NRXN3: variants seen among roughly 807,000 people sequenced by gnomAD.
NRXN3 encodes neurexin 3, also known as neurexin III.
Under a neutral mutation model 137.6 loss-of-function variants are expected in NRXN3, and 32 were observed. The observed-to-expected ratio is 0.23, with a 90% CI of 0.18 to 0.31. The LOEUF (loss-of-function observed/expected upper bound fraction) is 0.31. NRXN3 is among the 10% of genes least tolerant of loss of function. The pLI is 1.00. For synonymous variants in NRXN3, 798 were observed against 784.5 expected (o/e 1.02, Z -0.29); for missense variants, 1,574 against 2,062.5 (o/e 0.76, Z 4.59).
intron 15 of NRXN3, among the ~76,000 whole-genome samples, chr14:79,026,694 A>G (rs1369202761): frequency 6.6e-6 from 1 of 151,976 alleles, no homozygotes; most frequent in Non-Finnish European, 1.5e-5. Flanking sequence ...GTGTTGACCC[A>G]TGGATACTAA....
intron 15 of NRXN3, among the ~76,000 whole-genome samples, chr14:79,190,593 A>G (rs117969843): frequency 1.3e-5 from 2 of 152,284 alleles, no homozygotes; most frequent in Non-Finnish European, 2.9e-5. Context: ...CCAAACGCCA[A>G]TAATGTTTGG....
chr14:78,483,907 C>G lies in NRXN3; in HGVS notation c.758-161213C>G, dbSNP rs17107745. ...GCTTATGTTAGCTAGACTGCTGGTT[C>G]GATTTTTCAGTGGAAGCCTCCTTTT... On this transcript the variant is annotated intron_variant, in intron 4 of 20. Transcript: ENST00000335750. 9.8e-3 allele frequency among the ~76,000 whole-genome samples: 1,477 copies of G among 150,098 alleles called. 14 individuals carry two copies. Among genetic ancestry groups the G allele is most frequent in the African/African-American group, 0.034 (1,394 of 41,040 alleles).
chr14:79,687,120 A>G (rs1280309272), intron 17 of NRXN3, among the ~76,000 whole-genome samples: 2 of 152,184 alleles, frequency 1.3e-5, no homozygotes, highest in Non-Finnish European at 2.9e-5. Flanking sequence ...TCTGCCCCAA[A>G]GGTGTGTAGT....
At chr14:78,217,050 AG>A (rs1472344383) in intron 1 of NRXN3, among the ~76,000 whole-genome samples, 2 of 152,218 alleles carry the variant, frequency 1.3e-5, no homozygotes, top group Non-Finnish European at 2.9e-5. Context: ...TCACATTCAC[AG>A]GTACCAGGTG....
At chr14:78,403,911 G>T in intron 4 of NRXN3, 1 of 981,184 alleles carries the variant, frequency 1.0e-6, no homozygotes, top group Non-Finnish European at 1.2e-6. Context: ...AAAAAGAAAA[G>T]ATATGTGAGC....
At chr14:79,094,230 C>T (rs2049809184) in intron 15 of NRXN3, among the ~76,000 whole-genome samples, 1 of 152,146 alleles carries the variant, frequency 6.6e-6, no homozygotes, top group African/African-American at 2.4e-5. Context: ...TGGGGTAGAG[C>T]TAACCCCTGA....
chr14:79,343,142 T>C (rs921304712), intron 15 of NRXN3, among the ~76,000 whole-genome samples: 3 of 152,072 alleles, frequency 2.0e-5, no homozygotes, highest in Admixed American at 6.5e-5. Flanking sequence ...CAAGTACTGA[T>C]CTTAGGAGCA....
intron 15 of NRXN3, among the ~76,000 whole-genome samples, chr14:79,211,046 A>G (rs1484174359): frequency 6.6e-6 from 1 of 152,134 alleles, no homozygotes; most frequent in Admixed American, 6.6e-5. Flanking sequence ...CCTTCAAAAT[A>G]ATATTTTCAT....
At chr14:78,759,062 C>T (rs958883042) in intron 8 of NRXN3, among the ~76,000 whole-genome samples, 1 of 152,196 alleles carries the variant, frequency 6.6e-6, no homozygotes, top group Non-Finnish European at 1.5e-5. Context: ...AAGATGTTCT[C>T]ATCCTGACTT....
chr14:79,639,275 T>C (rs1159620333), intron 16 of NRXN3, among the ~76,000 whole-genome samples: 2 of 152,206 alleles, frequency 1.3e-5, no homozygotes, highest in African/African-American at 4.8e-5. Context: ...GGTAAACTCA[T>C]GTCACCGGGC....
At chr14:79,499,978 T>TGC (rs1191888941) in intron 16 of NRXN3, among the ~76,000 whole-genome samples, 2 of 151,532 alleles carry the variant, frequency 1.3e-5, no homozygotes, top group Non-Finnish European at 2.9e-5. Context: ...TGTGTGTGTG[T>TGC]GTGTGTGTGT....
intron 20 of NRXN3, among the ~76,000 whole-genome samples, chr14:79,811,563 TTTTC>T (rs2099232988): frequency 1.5e-5 from 2 of 135,402 alleles, no homozygotes; most frequent in South Asian, 2.4e-4. Context: ...TTTCACTTTC[TTTTC>T]TTTTTTCTTT....
intron 4 of NRXN3, among the ~76,000 whole-genome samples, chr14:78,390,187 G>A (rs1311944713): frequency 1.3e-5 from 2 of 152,148 alleles, no homozygotes; most frequent in African/African-American, 2.4e-5. Flanking sequence ...AACTGTAAGT[G>A]CTTATTGGGC....
chr14:79,266,058 T>A (rs1471403021), intron 15 of NRXN3, among the ~76,000 whole-genome samples: 1 of 152,138 alleles, frequency 6.6e-6, no homozygotes, highest in Non-Finnish European at 1.5e-5. Flanking sequence ...TAGCCCCTGT[T>A]TCTATTATAA....
At chr14:79,719,079 C>T (rs2098833418) in intron 19 of NRXN3, among the ~76,000 whole-genome samples, 1 of 152,046 alleles carries the variant, frequency 6.6e-6, no homozygotes, top group African/African-American at 2.4e-5. Flanking sequence ...TCTTTGAATT[C>T]CTCCATGCTT....
intron 8 of NRXN3, among the ~76,000 whole-genome samples, chr14:78,791,877 A>G (rs117665458): frequency 1.9e-4 from 29 of 152,270 alleles, no homozygotes; most frequent in Non-Finnish European, 3.2e-4. Flanking sequence ...CTACAGAAAA[A>G]AAGTGTATAG....
At chr14:79,350,715 G>C (rs2093163965) in intron 15 of NRXN3, among the ~76,000 whole-genome samples, 1 of 152,034 alleles carries the variant, frequency 6.6e-6, no homozygotes, top group Non-Finnish European at 1.5e-5. Flanking sequence ...TAAGGTATTA[G>C]AGTTTAAAAT....
At chr14:79,231,519 T>C (rs542051110) in intron 15 of NRXN3, among the ~76,000 whole-genome samples, 1 of 152,256 alleles carries the variant, frequency 6.6e-6, no homozygotes, top group African/African-American at 2.4e-5. Flanking sequence ...GTAGGATAAT[T>C]TGGTGCTCAT....
intron 15 of NRXN3, among the ~76,000 whole-genome samples, chr14:79,163,696 A>G (rs1486170547): frequency 6.6e-6 from 1 of 151,854 alleles, no homozygotes; most frequent in African/African-American, 2.4e-5. Context: ...ATTATAACTG[A>G]ATTACTGTCT....
Sources: gnomAD v4.1 joint callset for allele counts (sites outside exome capture counted in the v4.1 genomes callset) on GRCh38, gnomAD v4.1.1 for gene constraint, MANE v1.5 for transcripts, NCBI Gene and HGNC (gene_info 2026-07-23, HGNC 2026-07-21) for gene names.